Variants in TXNDC16 observed in about 807,000 individuals in gnomAD.
TXNDC16 encodes thioredoxin domain containing 16.
Under a neutral mutation model 85.6 loss-of-function variants are expected in TXNDC16, and 74 were observed. The observed-to-expected ratio is 0.86, with a 90% confidence interval of 0.72 to 1.05. The LOEUF is 1.05. Among genes scored for constraint, TXNDC16 ranks in the 50% least tolerant of loss-of-function variants. The pLI, the probability that TXNDC16 is intolerant of heterozygous loss-of-function variation, is 0.00. For synonymous variants in TXNDC16, 335 were observed against 326.5 expected, an observed-to-expected ratio of 1.03 and a Z score of -0.28; for missense variants, 959 against 947.0, an observed-to-expected ratio of 1.01 and a Z score of -0.17.
rs918933014 is a variant in TXNDC16, at chr14:52,472,188, C to CTT, written c.1313-1510_1313-1509dup. On this transcript the variant is annotated intron_variant, in intron 14 of 20. Coordinates refer to ENST00000281741, the MANE Select transcript of TXNDC16 (RefSeq NM_020784.3). ...ATAATATAGGCAAGATTTAGTCTGT[C>CTT]TTTTTTTTTTTTGCTTTTGTATATT... Among the ~76,000 whole-genome samples the CTT allele has an allele frequency of 7.2e-4, 102 of 142,050 alleles. 1 individual carries two copies. Among genetic ancestry groups the CTT allele is most frequent in the African/African-American group, 2.6e-3 (100 of 38,820 alleles). The allele number at this position is 142,050 out of a possible 152,430, so 93.2% of individuals were successfully genotyped here. A position where few individuals can be genotyped will look rare whatever the true frequency, so the allele number is the denominator to read the frequency against.
rs765293725 is a variant in TXNDC16, at chr14:52,506,527, C to CTTTT, written c.756+4709_756+4712dup. Among the ~76,000 whole-genome samples, 221 of 97,550 alleles carry CTTTT rather than the reference C, an allele frequency of 2.3e-3. 1 individual carries two copies. Among genetic ancestry groups the CTTTT allele is most frequent in the Middle Eastern group, 0.013 (2 of 156 alleles). The allele number at this position is 97,550 out of a possible 152,430, so 64.0% of individuals were successfully genotyped here. ...AGGCCTTTGACAAATTTCAACAACC[C>CTTTT]TTTTTTTTTTTTTTTTTTTTTTTTC... On this transcript the variant is annotated intron_variant, in intron 9 of 20. Transcript: ENST00000281741.
At chr14:52,470,937 G>A (rs936009236) in intron 14 of TXNDC16, among the ~76,000 whole-genome samples, 1 of 152,076 alleles carries the variant, frequency 6.6e-6, no homozygotes, top group South Asian at 2.1e-4. Context: ...CTCAGCTTAA[G>A]CTGCCTTCTC....
chr14:52,468,830 T>C (rs2035835404), intron 16 of TXNDC16, among the ~76,000 whole-genome samples: 1 of 151,920 alleles, frequency 6.6e-6, no homozygotes, highest in Non-Finnish European at 1.5e-5. Context: ...TGAGCTGTGA[T>C]TGTGTCACTG....
At chr14:52,478,998 G>T (rs1054282678) in intron 14 of TXNDC16, among the ~76,000 whole-genome samples, 1 of 151,928 alleles carries the variant, frequency 6.6e-6, no homozygotes, top group Non-Finnish European at 1.5e-5. Context: ...AGGGATGCAG[G>T]GATGATTAAA....
At chr14:52,484,097 T>A (rs554347265) in intron 12 of TXNDC16, among the ~76,000 whole-genome samples, 46 of 152,060 alleles carry the variant, frequency 3.0e-4, no homozygotes, top group Non-Finnish European at 1.3e-4. Flanking sequence ...AATAATAGTA[T>A]TAATTATGTT....
intron 18 of TXNDC16, 115 bp downstream of exon 18, chr14:52,455,209 A>G (rs2035503850): frequency 8.3e-7 from 1 of 1,198,776 alleles, no homozygotes; most frequent in Non-Finnish European, 1.2e-6. Context: ...TCCTCAGCTC[A>G]CAAATCACCC....
chr14:52,503,323 C>T lies in TXNDC16; in HGVS notation c.756+7917G>A, dbSNP rs1425270937. On this transcript the variant is annotated intron_variant, in intron 9 of 20. Transcript: ENST00000281741. ...AGTAGCCTCACTGGGAGGTACCCCCCAGTAGGGGCAGACTGACACCTCACA... is the reference window on the plus strand; with the variant it reads ...AGTAGCCTCACTGGGAGGTACCCCCTAGTAGGGGCAGACTGACACCTCACA... Among the ~76,000 whole-genome samples, 3 of 152,210 alleles carry T rather than the reference C, an allele frequency of 2.0e-5. No individual in the cohort carries two copies. In the East Asian group the frequency reaches 5.8e-4, roughly 29 times the overall value.
Position 52,514,905 on chromosome 14 carries a change from C to T in TXNDC16, c.580G>A (p.Glu194Lys). The T allele has an allele frequency of 6.2e-7, 1 of 1,611,986 alleles. No individual in the cohort carries two copies. The highest frequency in any genetic ancestry group is 1.3e-5 in the African/African-American group (1 of 74,900). The part of the protein sequence containing the change: ...GTTYQFVLTT[E>K]IALLESIGSE... Reference sequence around the variant, plus strand: ...CCAATACTTTCCAAAAGGGCAATTTCTGTGGTTAAGACAAATTGGTATGTA... The same window carrying T: ...CCAATACTTTCCAAAAGGGCAATTTTTGTGGTTAAGACAAATTGGTATGTA... Residue 194 changes from glutamate to lysine, a missense_variant, in exon 8 of 21, where the codon GAA (glutamate) becomes AAA (lysine). Transcript: ENST00000281741.
intron 6 of TXNDC16, among the ~76,000 whole-genome samples, chr14:52,535,233 G>A (rs2037672889): frequency 6.6e-6 from 1 of 152,074 alleles, no homozygotes. Context: ...TTTTTGCTAA[G>A]CTTCACAGAA....
chr14:52,448,395 A>AT (rs1202247732), intron 18 of TXNDC16, among the ~76,000 whole-genome samples: 3 of 148,070 alleles, frequency 2.0e-5, no homozygotes, highest in Admixed American at 6.6e-5. Context: ...AAAGTGCTAA[A>AT]TTAAAAAAAA....
At chr14:52,503,575 A>C (rs996774459) in intron 9 of TXNDC16, among the ~76,000 whole-genome samples, 1 of 152,214 alleles carries the variant, frequency 6.6e-6, no homozygotes. Flanking sequence ...CCATCTGTAT[A>C]TCACCATCAT....
intron 18 of TXNDC16, among the ~76,000 whole-genome samples, chr14:52,442,707 G>A (rs964902727): frequency 6.6e-6 from 1 of 151,798 alleles, no homozygotes; most frequent in Admixed American, 6.6e-5. Flanking sequence ...CTTTAATCTT[G>A]TAGTTGAGTT....
intron 6 of TXNDC16, among the ~76,000 whole-genome samples, chr14:52,535,695 T>A (rs909722269): frequency 6.6e-6 from 1 of 152,124 alleles, no homozygotes; most frequent in Non-Finnish European, 1.5e-5. Context: ...CAGATAGACC[T>A]AAATACCAGG....
intron 7 of TXNDC16, among the ~76,000 whole-genome samples, chr14:52,517,572 G>A (rs539436345): frequency 9.2e-5 from 14 of 152,020 alleles, no homozygotes; most frequent in Admixed American, 3.9e-4. Context: ...TTGGCTGAAT[G>A]GATGTCCGCA....
At chr14:52,519,647 T>TACAAACCTAAACA (rs2037165310) in intron 6 of TXNDC16, among the ~76,000 whole-genome samples, 2 of 152,218 alleles carry the variant, frequency 1.3e-5, no homozygotes, top group South Asian at 4.1e-4. Flanking sequence ...CAGGCTTCTT[T>TACAAACCTAAACA]GCATGGCCTA....
At chr14:52,524,338 C>T (rs968312437) in intron 6 of TXNDC16, among the ~76,000 whole-genome samples, 4 of 152,106 alleles carry the variant, frequency 2.6e-5, no homozygotes, top group Non-Finnish European at 5.9e-5. Flanking sequence ...AGTATGTTAA[C>T]ATAAAGGGAA....
At chr14:52,500,178 A>G (rs1423933950) in intron 9 of TXNDC16, among the ~76,000 whole-genome samples, 2 of 152,174 alleles carry the variant, frequency 1.3e-5, no homozygotes, top group African/African-American at 2.4e-5. Context: ...AGCATTACTC[A>G]CCATAGCCAA....
intron 9 of TXNDC16, among the ~76,000 whole-genome samples, chr14:52,492,587 C>T (rs1338540086): frequency 1.3e-5 from 2 of 152,192 alleles, no homozygotes; most frequent in Non-Finnish European, 2.9e-5. Context: ...TCCTCTTTTG[C>T]CGCCACCCAG....
At chr14:52,485,254 A>G (rs1028486708) in intron 12 of TXNDC16, among the ~76,000 whole-genome samples, 28 of 152,238 alleles carry the variant, frequency 1.8e-4, no homozygotes, top group Admixed American at 6.5e-5. Flanking sequence ...GTAAAACATA[A>G]AAGTTTTAAA....
Sources: allele counts gnomAD v4.1 joint callset (sites outside exome capture counted in the v4.1 genomes callset), GRCh38; gene constraint gnomAD v4.1.1; transcripts MANE v1.5; gene names NCBI Gene and HGNC (gene_info 2026-07-23, HGNC 2026-07-21).